The following PLPPR1 variants were observed in gnomAD, a reference collection of about 807,000 sequenced individuals.
The protein encoded by PLPPR1 is phospholipid phosphatase-related protein type 1.
PLPPR1 carries 10 observed loss-of-function variants against 33.1 expected under a neutral mutation model. The observed-to-expected ratio is 0.30, with a 90% CI of 0.19 to 0.51. The LOEUF is 0.51. PLPPR1 is among the 20% of genes least tolerant of loss of function. The probability of loss-of-function intolerance (pLI) is 0.97; values close to 1 mark genes in which losing one functional copy is unlikely to be tolerated. For missense variants in PLPPR1, 304 were observed against 408.1 expected (o/e 0.74, Z 2.20); for synonymous variants, 151 against 151.0 (o/e 1.00, Z 0.00).
chr9:101,246,070 AT>A (rs1827595857), intron 2 of PLPPR1, among the ~76,000 whole-genome samples: 1 of 84,494 alleles, frequency 1.2e-5, no homozygotes, highest in Non-Finnish European at 2.9e-5. Context: ...ATATATATAT[AT>A]ATATATATAT....
intron 4 of PLPPR1, 52 bp from the exon 5 acceptor site, chr9:101,309,159 T>C: frequency 6.3e-7 from 1 of 1,588,614 alleles, no homozygotes; most frequent in Middle Eastern, 1.7e-4. Context: ...AGGAGAAAAA[T>C]GCAATTGACA....
chr9:101,286,454 A>G (rs1281789925), intron 4 of PLPPR1, among the ~76,000 whole-genome samples: 1 of 152,096 alleles, frequency 6.6e-6, no homozygotes, highest in Non-Finnish European at 1.5e-5. Context: ...CCCACATAGC[A>G]GTTATCTGAG....
intron 1 of PLPPR1, among the ~76,000 whole-genome samples, chr9:101,098,036 TC>T (rs143390149): frequency 0.35 from 52,889 of 151,658 alleles, 9,890 homozygotes; most frequent in Non-Finnish European, 0.43. Flanking sequence ...GTGCTTTTTT[TC>T]CCCCTCCCAG....
At chr9:101,057,223 C>CCTATTCTT (rs1178625231) in intron 1 of PLPPR1, among the ~76,000 whole-genome samples, 1 of 152,058 alleles carries the variant, frequency 6.6e-6, no homozygotes, top group Non-Finnish European at 1.5e-5. Flanking sequence ...TTGAATGAAT[C>CCTATTCTT]CTATTCTTAT....
intron 2 of PLPPR1, among the ~76,000 whole-genome samples, chr9:101,242,376 C>T (rs1271327010): frequency 6.6e-6 from 1 of 151,626 alleles, no homozygotes; most frequent in African/African-American, 2.4e-5. Context: ...CAGCAAAGAA[C>T]AAATTCTTTG....
intron 2 of PLPPR1, among the ~76,000 whole-genome samples, chr9:101,200,074 G>A (rs1163328789): frequency 2.0e-5 from 3 of 152,140 alleles, no homozygotes; most frequent in Non-Finnish European, 4.4e-5. Context: ...TCTGCCTGAG[G>A]CTGTTCTCCA....
At chr9:101,291,175 C>T (rs1322377421) in intron 4 of PLPPR1, among the ~76,000 whole-genome samples, 2 of 152,214 alleles carry the variant, frequency 1.3e-5, no homozygotes, top group Non-Finnish European at 2.9e-5. Context: ...CCCATGGAGT[C>T]TCCCTGATTG....
chr9:101,303,817 A>T (rs77678438), intron 4 of PLPPR1, among the ~76,000 whole-genome samples: 1 of 152,130 alleles, frequency 6.6e-6, no homozygotes, highest in South Asian at 2.1e-4. Context: ...ATGAAAATGT[A>T]TAGAAGTTTT....
At chr9:101,071,138 G>C (rs962095506) in intron 1 of PLPPR1, among the ~76,000 whole-genome samples, 2 of 152,108 alleles carry the variant, frequency 1.3e-5, no homozygotes, top group African/African-American at 4.8e-5. Context: ...TGGTGACAAT[G>C]TCAGCCTGCC....
rs369837910 is a variant in PLPPR1 at position 101,256,421 on chromosome 9, TGAA to T, written c.64-13452_64-13450del. Among the ~76,000 whole-genome samples the T allele has an allele frequency of 7.3e-3, 1,112 of 152,226 alleles. 11 individuals carry two copies. The highest frequency in any genetic ancestry group is 0.025 in the African/African-American group (1,025 of 41,544). The stretch of plus-strand genomic sequence containing the variant: ...ATAGTGATGCTGAGCCTGACTGCAT[TGAA>T]GAAGAACTATCTTGTGAGGAGTTGA... On this transcript the variant is annotated intron_variant, in intron 2 of 7. Coordinates refer to ENST00000374874, the MANE Select transcript of PLPPR1 (RefSeq NM_207299.2).
chr9:101,041,165 G>C (rs1166545489), intron 1 of PLPPR1, among the ~76,000 whole-genome samples: 1 of 152,156 alleles, frequency 6.6e-6, no homozygotes, highest in Non-Finnish European at 1.5e-5. Context: ...GGTAGTTGGG[G>C]CATATGCCAG....
chr9:101,238,187 C>CTA (rs1316697261), intron 2 of PLPPR1, among the ~76,000 whole-genome samples: 3 of 134,244 alleles, frequency 2.2e-5, no homozygotes, highest in Non-Finnish European at 4.8e-5. Flanking sequence ...TATATATGCC[C>CTA]TATATATATA....
intron 2 of PLPPR1, among the ~76,000 whole-genome samples, chr9:101,199,653 G>T (rs990388395): frequency 6.6e-6 from 1 of 152,138 alleles, no homozygotes; most frequent in African/African-American, 2.4e-5. Context: ...TTCTTTAGGA[G>T]CAACAGCTTA....
At chr9:101,236,698 T>G (rs542424554) in intron 2 of PLPPR1, among the ~76,000 whole-genome samples, 1 of 151,866 alleles carries the variant, frequency 6.6e-6, no homozygotes, top group Non-Finnish European at 1.5e-5. Context: ...AATGATCAAA[T>G]CAGGATAATT....
At chr9:101,161,652 G>A (rs796088241) in intron 1 of PLPPR1, among the ~76,000 whole-genome samples, 4 of 152,040 alleles carry the variant, frequency 2.6e-5, no homozygotes, top group African/African-American at 9.6e-5. Context: ...CTACCTCACA[G>A]GAAGCATTCA....
rs534470238 is a variant in PLPPR1 at position 101,284,537 on chromosome 9, A to G, written c.253-1567A>G. Among the ~76,000 whole-genome samples the G allele has an allele frequency of 3.9e-5, 6 of 152,334 alleles. No individual in the cohort carries two copies. The East Asian group carries it at 1.2e-3, about 29-fold the overall frequency. Reference sequence around the variant, plus strand: ...TGTACCACAAAAATGATAACTATGTAAGATCATGCATATGTTAATTAGCTA... The same window carrying G: ...TGTACCACAAAAATGATAACTATGTGAGATCATGCATATGTTAATTAGCTA... On this transcript the variant is annotated intron_variant, in intron 3 of 7. Coordinates refer to ENST00000374874, the MANE Select transcript of PLPPR1 (RefSeq NM_207299.2).
chr9:101,149,680 G>A (rs1831559446), intron 1 of PLPPR1, among the ~76,000 whole-genome samples: 1 of 152,128 alleles, frequency 6.6e-6, no homozygotes, highest in African/African-American at 2.4e-5. Flanking sequence ...TTGCTAGAAA[G>A]GAGTCAGAAG....
At chr9:101,300,982 TA>T (rs1828740329) in intron 4 of PLPPR1, among the ~76,000 whole-genome samples, 1 of 152,212 alleles carries the variant, frequency 6.6e-6, no homozygotes, top group East Asian at 1.9e-4. Context: ...GTCAAAGGAG[TA>T]AAGAGGACAT....
At chr9:101,278,400 C>A (rs1037148910) in intron 3 of PLPPR1, among the ~76,000 whole-genome samples, 2 of 152,090 alleles carry the variant, frequency 1.3e-5, no homozygotes, top group African/African-American at 4.8e-5. Flanking sequence ...GCTATCCATG[C>A]GCTAAAATAG....
Sources: gnomAD v4.1 joint callset for allele counts (sites outside exome capture counted in the v4.1 genomes callset) on GRCh38, gnomAD v4.1.1 for gene constraint, MANE v1.5 for transcripts, NCBI Gene and HGNC (gene_info 2026-07-23, HGNC 2026-07-21) for gene names.